Variants in RBFOX1 observed in about 807,000 individuals in gnomAD.
The protein encoded by RBFOX1 is RNA binding protein fox-1 homolog 1.
A neutral mutation model predicts 57.7 loss-of-function variants in RBFOX1; 8 were observed. That is an observed-to-expected ratio of 0.14 (90% CI 0.08 to 0.25). RBFOX1 has a LOEUF of 0.25. RBFOX1 is among the 10% of genes least tolerant of loss of function. The probability of loss-of-function intolerance (pLI) is 1.00; values close to 1 mark genes in which losing one functional copy is unlikely to be tolerated. For synonymous variants in RBFOX1, 326 were observed against 222.4 expected, an observed-to-expected ratio of 1.47 and a Z score of -4.15; for missense variants, 611 against 548.5, an observed-to-expected ratio of 1.11 and a Z score of -1.14.
intron 3 of RBFOX1, among the ~76,000 whole-genome samples, chr16:6,945,870 G>A (rs1354320624): frequency 6.6e-6 from 1 of 152,186 alleles, no homozygotes; most frequent in African/African-American, 2.4e-5. Context: ...CCCACTGGGT[G>A]ACAGAGCAAG....
chr16:6,202,423 C>G (rs1033036170), intron 1 of RBFOX1, among the ~76,000 whole-genome samples: 2 of 152,128 alleles, frequency 1.3e-5, no homozygotes, highest in Non-Finnish European at 2.9e-5. Context: ...TTCAATCCAT[C>G]TTCTTTCTTT....
chr16:6,998,940 C>T (rs573529650), intron 3 of RBFOX1, among the ~76,000 whole-genome samples: 85 of 151,166 alleles, frequency 5.6e-4, no homozygotes, highest in Non-Finnish European at 9.9e-4. Context: ...ACGATCTAGG[C>T]TCACTGTAAC....
chr16:6,218,739 G>C (rs974744028), intron 1 of RBFOX1, among the ~76,000 whole-genome samples: 1 of 151,944 alleles, frequency 6.6e-6, no homozygotes, highest in African/African-American at 2.4e-5. Context: ...TATAATCCCT[G>C]GGAACTTCCA....
In RBFOX1 at chr16:7,230,146, C is replaced by G. The variant is rs114256759; in HGVS notation, c.27+178048C>G. 4.3e-3 allele frequency among the ~76,000 whole-genome samples: 648 copies of G among 151,402 alleles called. 4 individuals are homozygous for G. The highest frequency in any genetic ancestry group is 0.014 in the African/African-American group (588 of 41,192). The stretch of plus-strand genomic sequence containing the variant: ...AAGGAGGGAAGGAAGGCCTCCTCAT[C>G]CTTTTTTTCTGCGTTCGTTTACTCA... On this transcript the variant is annotated intron_variant, in intron 4 of 15. Coordinates refer to ENST00000550418, the MANE Select transcript of RBFOX1 (RefSeq NM_018723.4).
intron 1 of RBFOX1, among the ~76,000 whole-genome samples, chr16:5,274,756 G>A (rs1252619128): frequency 1.3e-5 from 2 of 152,180 alleles, no homozygotes; most frequent in East Asian, 3.8e-4. Flanking sequence ...TAGGCACCAG[G>A]CTTTTTTAGG....
At chr16:6,160,532 C>G (rs886725175) in intron 1 of RBFOX1, among the ~76,000 whole-genome samples, 1 of 152,170 alleles carries the variant, frequency 6.6e-6, no homozygotes, top group African/African-American at 2.4e-5. Flanking sequence ...GAGTCATTAC[C>G]ACCAGAGCCT....
In RBFOX1 at chr16:5,454,729, C is replaced by T. The variant is rs991688911; in HGVS notation, c.220-12487C>T. 8.5e-4 allele frequency among the ~76,000 whole-genome samples: 36 copies of T among 42,476 alleles called. No individual in the cohort carries two copies. The South Asian group carries it at 0.01, about 12-fold the overall frequency. The allele number at this position is 42,476 out of a possible 152,430, so 27.9% of individuals were successfully genotyped here. A position where few individuals can be genotyped will look rare whatever the true frequency, so the allele number is the denominator to read the frequency against. The stretch of plus-strand genomic sequence containing the variant: ...GGTAAACCAGTTCCTTAAAATCTCT[C>T]TCTTTCTTTCTTTCTTTTTCTTTTC... On this transcript the variant is annotated intron_variant, in intron 1 of 2. Transcript: ENST00000585867.
chr16:7,457,046 C>A (rs537143517), intron 4 of RBFOX1, among the ~76,000 whole-genome samples: 3 of 152,230 alleles, frequency 2.0e-5, no homozygotes, highest in South Asian at 4.1e-4. Flanking sequence ...CACCACCACG[C>A]CCGGCTAATT....
At chr16:5,420,383 C>T (rs1299243565) in intron 1 of RBFOX1, among the ~76,000 whole-genome samples, 1 of 82,758 alleles carries the variant, frequency 1.2e-5, no homozygotes, top group Non-Finnish European at 2.3e-5. Context: ...TTCTCCACCA[C>T]CCCCATATAC....
intron 3 of RBFOX1, among the ~76,000 whole-genome samples, chr16:6,961,764 T>A (rs1417489400): frequency 6.6e-6 from 1 of 152,196 alleles, no homozygotes; most frequent in Non-Finnish European, 1.5e-5. Context: ...TTTTAAATTG[T>A]CATGGCACTA....
intron 3 of RBFOX1, among the ~76,000 whole-genome samples, chr16:6,906,118 T>G (rs2069833266): frequency 6.6e-6 from 1 of 152,002 alleles, no homozygotes; most frequent in Non-Finnish European, 1.5e-5. Context: ...AAAAAAAAAT[T>G]ATAATGCCTC....
In RBFOX1 at chr16:5,284,408, T is replaced by C. The variant is rs144324052; in HGVS notation, c.219+44303T>C. 2.5e-3 allele frequency among the ~76,000 whole-genome samples: 378 copies of C among 152,364 alleles called. 3 individuals carry two copies. The highest frequency in any genetic ancestry group is 8.7e-3 in the African/African-American group (360 of 41,574). ...TGCTCTATCAGAGAGTTTTATACTT[T>C]CATGTATTTTCATGATGGTAGATAT... is the stretch of plus-strand genomic sequence containing the variant. On this transcript the variant is annotated intron_variant, in intron 1 of 2. Coordinates refer to the RBFOX1 transcript ENST00000585867.
chr16:5,387,673 C>T (rs1174660408), intron 1 of RBFOX1, among the ~76,000 whole-genome samples: 1 of 152,192 alleles, frequency 6.6e-6, no homozygotes, highest in African/African-American at 2.4e-5. Context: ...GGATGTCTGG[C>T]ATGAAAGGTG....
At chr16:5,921,007 T>TA (rs1257330374) in intron 4 of RBFOX1, among the ~76,000 whole-genome samples, 1 of 152,214 alleles carries the variant, frequency 6.6e-6, no homozygotes, top group Non-Finnish European at 1.5e-5. Flanking sequence ...ACTCCATGGA[T>TA]AATGGGAATC....
intron 4 of RBFOX1, among the ~76,000 whole-genome samples, chr16:5,982,733 C>G (rs967142071): frequency 6.6e-6 from 1 of 152,212 alleles, no homozygotes; most frequent in African/African-American, 2.4e-5. Flanking sequence ...ATCTCTCTTT[C>G]TCCTTACTGT....
intron 3 of RBFOX1, among the ~76,000 whole-genome samples, chr16:6,672,478 AAAAG>A (rs996525776): frequency 6.6e-6 from 1 of 151,880 alleles, no homozygotes; most frequent in African/African-American, 2.4e-5. Context: ...AAGGAAAGAA[AAAAG>A]AAAAAGGGAG....
At chr16:6,907,119 T>C (rs992965952) in intron 3 of RBFOX1, among the ~76,000 whole-genome samples, 12 of 152,212 alleles carry the variant, frequency 7.9e-5, no homozygotes, top group African/African-American at 2.7e-4. Context: ...TGTTCCCCAG[T>C]AGGCATTTCA....
At chr16:6,414,930 G>A (rs1460100289) in intron 2 of RBFOX1, among the ~76,000 whole-genome samples, 3 of 152,118 alleles carry the variant, frequency 2.0e-5, no homozygotes, top group East Asian at 3.9e-4. Context: ...AGAATGAACC[G>A]GTCCCAATAT....
At chr16:6,723,408 A>G (rs979803092) in intron 3 of RBFOX1, among the ~76,000 whole-genome samples, 8 of 152,218 alleles carry the variant, frequency 5.3e-5, no homozygotes, top group South Asian at 2.1e-4. Flanking sequence ...AGATACCACT[A>G]TGGAGTTATC....
Sources: allele counts gnomAD v4.1 joint callset (sites outside exome capture counted in the v4.1 genomes callset), GRCh38; gene constraint gnomAD v4.1.1; transcripts MANE v1.5; gene names NCBI Gene and HGNC (gene_info 2026-07-23, HGNC 2026-07-21).